Variants in SSH2 observed in about 807,000 individuals in gnomAD.
SSH2 encodes slingshot protein phosphatase 2, also known as protein phosphatase Slingshot homolog 2.
Under a neutral mutation model 135.2 loss-of-function variants are expected in SSH2, and 37 were observed. The ratio of observed to expected loss-of-function variants is 0.27; its 90% CI spans 0.21 to 0.36. The LOEUF is 0.36. Ranked by LOEUF, SSH2 falls within the 10% of genes least tolerant of loss-of-function variation. The pLI is 1.00. For missense variants in SSH2, 1,408 were observed against 1,765.3 expected (o/e 0.80, Z 3.63); for synonymous variants, 628 against 646.2 (o/e 0.97, Z 0.43).
chr17:29,884,768 T>C (rs2066202705), intron 1 of SSH2, among the ~76,000 whole-genome samples: 1 of 152,220 alleles, frequency 6.6e-6, no homozygotes, highest in Non-Finnish European at 1.5e-5. Flanking sequence ...CTTCACTTTT[T>C]ATATATTTCT....
At chr17:29,877,330 T>TA (rs2066052479) in intron 1 of SSH2, among the ~76,000 whole-genome samples, 1 of 152,034 alleles carries the variant, frequency 6.6e-6, no homozygotes, top group South Asian at 2.1e-4. Flanking sequence ...CTCAAAAAAC[T>TA]AAAAATAGAG....
chr17:29,668,076 C>T (rs1348344813), intron 9 of SSH2, among the ~76,000 whole-genome samples: 3 of 152,228 alleles, frequency 2.0e-5, no homozygotes, highest in Non-Finnish European at 4.4e-5. Context: ...TCCTCCCCAA[C>T]TCCCACCACC....
In SSH2 at chr17:29,630,604, G is replaced by A. The variant is rs2035623233; in HGVS notation, c.*237C>T. 2 of 338,416 alleles carry A rather than the reference G, an allele frequency of 5.9e-6. No individual in the cohort carries two copies. Among genetic ancestry groups the A allele is most frequent in the Non-Finnish European group, 1.0e-5 (2 of 191,060 alleles). 21.0% of individuals were successfully genotyped at this position (338,416 alleles called of 1,614,324 possible). A position where few individuals can be genotyped will look rare whatever the true frequency, so the allele number is the denominator to read the frequency against. On this transcript the variant is annotated 3_prime_UTR_variant, in exon 16 of 16. Transcript: ENST00000540801. Reference sequence around the variant, plus strand: ...TGTTCTCTGAAAATGACTTTTTTGAGGTTTGATTTTTTTAAATAAAAAATG... The same window carrying A: ...TGTTCTCTGAAAATGACTTTTTTGAAGTTTGATTTTTTTAAATAAAAAATG...
chr17:29,879,511 TCCG>T, intron 1 of SSH2, among the ~76,000 whole-genome samples: 1 of 152,144 alleles, frequency 6.6e-6, no homozygotes, highest in East Asian at 1.9e-4. Context: ...TATCAACATC[TCCG>T]ACCAAAGTGG....
chr17:29,867,959 TCCTATATAGCATTCTGA>T (rs2065880256), intron 1 of SSH2, among the ~76,000 whole-genome samples: 1 of 152,154 alleles, frequency 6.6e-6, no homozygotes, highest in Non-Finnish European at 1.5e-5. Flanking sequence ...GCAATTAATT[TCCTATATAGCATTCTGA>T]CCACAAGATG....
At chr17:29,804,817 C>CT (rs1193016902) in intron 2 of SSH2, among the ~76,000 whole-genome samples, 1 of 143,974 alleles carries the variant, frequency 6.9e-6, no homozygotes, top group East Asian at 2.2e-4. Context: ...GTAGCCAGGA[C>CT]TATAGGTGCA....
intron 3 of SSH2, among the ~76,000 whole-genome samples, chr17:29,733,272 CAGGCACAAT>C (rs1238635041): frequency 1.3e-5 from 2 of 152,230 alleles, no homozygotes; most frequent in African/African-American, 4.8e-5. Flanking sequence ...TGAAGTGAGT[CAGGCACAAT>C]AGGTGCCCTC....
chr17:29,659,732 G>A (rs1598740177), intron 11 of SSH2, among the ~76,000 whole-genome samples: 1 of 152,288 alleles, frequency 6.6e-6, no homozygotes, highest in East Asian at 1.9e-4. Context: ...GTTTCACCGT[G>A]TTAGCCAGGA....
At chr17:29,693,967 G>A (rs777247666) in intron 5 of SSH2, among the ~76,000 whole-genome samples, 9 of 152,194 alleles carry the variant, frequency 5.9e-5, no homozygotes, top group Non-Finnish European at 1.2e-4. Context: ...AAAAGGGAGA[G>A]GTACTACCTT....
chr17:29,865,582 C>A (rs1054378395), intron 1 of SSH2, among the ~76,000 whole-genome samples: 4 of 152,132 alleles, frequency 2.6e-5, no homozygotes, highest in African/African-American at 9.7e-5. Flanking sequence ...AAAATCATTC[C>A]TTGAAGGGGA....
intron 3 of SSH2, among the ~76,000 whole-genome samples, chr17:29,709,912 T>C (rs1017578843): frequency 6.6e-6 from 1 of 152,230 alleles, no homozygotes; most frequent in African/African-American, 2.4e-5. Context: ...GAAAGAGCAC[T>C]CGGCTTTAAA....
chr17:29,901,967 G>A (rs1304671351), intron 1 of SSH2, among the ~76,000 whole-genome samples: 1 of 150,074 alleles, frequency 6.7e-6, no homozygotes, highest in African/African-American at 2.5e-5. Flanking sequence ...TTTTTTTTTT[G>A]TAGAGACAGA....
At chr17:29,729,556 A>G (rs1224505841) in intron 3 of SSH2, among the ~76,000 whole-genome samples, 1 of 152,218 alleles carries the variant, frequency 6.6e-6, no homozygotes, top group Non-Finnish European at 1.5e-5. Context: ...CAAAGAAAGG[A>G]AATCAGTATA....
chr17:29,675,826 T>TGAGA (rs145802571), intron 8 of SSH2: 2 of 150,194 alleles, frequency 1.3e-5, no homozygotes, highest in African/African-American at 2.5e-5. Context: ...GAGAGAGATA[T>TGAGA]GAGAGAGAGA....
At chr17:29,879,021 TA>T (rs1181994466) in intron 1 of SSH2, among the ~76,000 whole-genome samples, 1 of 152,212 alleles carries the variant, frequency 6.6e-6, no homozygotes, top group Non-Finnish European at 1.5e-5. Context: ...AATTGGTGGC[TA>T]AATTACATGA....
At chr17:29,645,079 C>A (rs1276407062) in intron 14 of SSH2, 1 of 152,236 alleles carries the variant, frequency 6.6e-6, no homozygotes, top group Non-Finnish European at 1.5e-5. Flanking sequence ...ATGGCACATA[C>A]ACGTGTCTTC....
At chr17:29,761,673 G>T (rs2041312905) in intron 3 of SSH2, among the ~76,000 whole-genome samples, 1 of 152,152 alleles carries the variant, frequency 6.6e-6, no homozygotes, top group Admixed American at 6.5e-5. Flanking sequence ...AAAGGAGGAT[G>T]TTTCAACAGA....
At chr17:29,799,565 G>A (rs149771063) in intron 2 of SSH2, among the ~76,000 whole-genome samples, 42 of 152,276 alleles carry the variant, frequency 2.8e-4, no homozygotes, top group African/African-American at 9.6e-4. Flanking sequence ...GCTACTACTA[G>A]TTTCATAGCC....
At chr17:29,818,993 G>A (rs1451356948) in intron 2 of SSH2, among the ~76,000 whole-genome samples, 1 of 152,034 alleles carries the variant, frequency 6.6e-6, no homozygotes, top group African/African-American at 2.4e-5. Context: ...TTGGGAAGCC[G>A]AGGCGGGCGG....
Sources: allele counts gnomAD v4.1 joint callset (sites outside exome capture counted in the v4.1 genomes callset), GRCh38; gene constraint gnomAD v4.1.1; transcripts MANE v1.5; gene names NCBI Gene and HGNC (gene_info 2026-07-23, HGNC 2026-07-21).